The following USP34 variants were observed in gnomAD, a reference collection of about 807,000 sequenced individuals.
USP34 encodes the protein ubiquitin carboxyl-terminal hydrolase 34.
A neutral mutation model predicts 460.3 loss-of-function variants in USP34; 70 were observed. The observed-to-expected ratio is 0.15, with a 90% CI of 0.13 to 0.19. The LOEUF (loss-of-function observed/expected upper bound fraction) is 0.19. USP34 is among the 10% of genes least tolerant of loss of function. The probability of loss-of-function intolerance (pLI) is 1.00; values close to 1 mark genes in which losing one functional copy is unlikely to be tolerated. For missense variants in USP34, 3,985 were observed against 4,236.2 expected, an observed-to-expected ratio of 0.94 and a Z score of 1.65; for synonymous variants, 1,647 against 1,405.3, an observed-to-expected ratio of 1.17 and a Z score of -3.85.
intron 22 of USP34, 64 bp from the exon 23 acceptor site, chr2:61,317,831 T>C (rs1690796957): frequency 8.0e-7 from 1 of 1,252,432 alleles, no homozygotes; most frequent in East Asian, 2.4e-5. Flanking sequence ...TTTTATTAAA[T>C]TTAAATAAAC....
intron 43 of USP34, among the ~76,000 whole-genome samples, chr2:61,263,218 T>A (rs1688948015): frequency 6.8e-6 from 1 of 146,984 alleles, no homozygotes; most frequent in Admixed American, 6.9e-5. Flanking sequence ...CTCGCTCTTG[T>A]CCCCAAAGTT....
intron 33 of USP34, among the ~76,000 whole-genome samples, chr2:61,289,857 T>C (rs1689797725): frequency 6.6e-6 from 1 of 152,150 alleles, no homozygotes; most frequent in African/African-American, 2.4e-5. Context: ...GAAAAGTCTT[T>C]GTGACCTTGG....
At chr2:61,267,837 C>T (rs1055025372) in intron 41 of USP34, among the ~76,000 whole-genome samples, 1 of 152,100 alleles carries the variant, frequency 6.6e-6, no homozygotes, top group African/African-American at 2.4e-5. Context: ...AGGATGGTCT[C>T]GATCTCCCGA....
intron 58 of USP34, among the ~76,000 whole-genome samples, chr2:61,232,242 G>A (rs547854605): frequency 1.3e-5 from 2 of 152,156 alleles, no homozygotes; most frequent in African/African-American, 4.8e-5. Flanking sequence ...TCCAGGAAAT[G>A]TGCATAATTT....
rs989070036 is a variant in USP34, at chr2:61,248,742, G to A, written c.6222-59C>T. On this transcript the variant is annotated intron_variant, in intron 48 of 79. Coordinates refer to ENST00000398571, the MANE Select transcript of USP34 (RefSeq NM_014709.4). ...TTTTTACAAATACTTCAGTTGGTTT[G>A]ATTTCTGTTATGCTATATCCATTTC... 17 of 1,452,356 alleles carry A rather than the reference G, an allele frequency of 1.2e-5. No individual in the cohort carries two copies. In the Middle Eastern group the frequency reaches 7.7e-4, roughly 66 times the overall value. The allele number at this position is 1,452,356 out of a possible 1,614,324, so 90.0% of individuals were successfully genotyped here.
chr2:61,357,891 T>C (rs1396955730), intron 10 of USP34, among the ~76,000 whole-genome samples: 4 of 151,994 alleles, frequency 2.6e-5, no homozygotes, highest in Non-Finnish European at 5.9e-5. Context: ...ATTCTCTCTT[T>C]ACAAAACAGT....
chr2:61,226,605 T>C (rs901768616), intron 62 of USP34, among the ~76,000 whole-genome samples: 1 of 152,244 alleles, frequency 6.6e-6, no homozygotes, highest in Non-Finnish European at 1.5e-5. Context: ...TTTTCAGCTA[T>C]ATTCTTTTGA....
At chr2:61,194,309 C>A in intron 75 of USP34, 1 of 985,278 alleles carries the variant, frequency 1.0e-6, no homozygotes, top group Non-Finnish European at 1.2e-6. Context: ...ATACCCACCA[C>A]GGTATCACCA....
intron 3 of USP34, among the ~76,000 whole-genome samples, chr2:61,401,445 C>T (rs1693715586): frequency 6.6e-6 from 1 of 151,470 alleles, no homozygotes; most frequent in Non-Finnish European, 1.5e-5. Context: ...GCTATGTTGC[C>T]CAGCCTAGAC....
chr2:61,319,060 T>C, intron 22 of USP34, 113 bp downstream of exon 22: 1 of 1,043,250 alleles, frequency 9.6e-7, no homozygotes. Flanking sequence ...ATTCATTACA[T>C]TTGGCTACTT....
At chr2:61,198,860 C>T (rs904222192) in intron 75 of USP34, among the ~76,000 whole-genome samples, 3 of 152,166 alleles carry the variant, frequency 2.0e-5, no homozygotes, top group Non-Finnish European at 4.4e-5. Flanking sequence ...CAGGGTGACA[C>T]TCTGTCTCAA....
intron 10 of USP34, among the ~76,000 whole-genome samples, chr2:61,357,919 G>T (rs2103804527): frequency 6.6e-6 from 1 of 152,196 alleles, no homozygotes; most frequent in South Asian, 2.1e-4. Flanking sequence ...GGCCGGGCGT[G>T]GTGGCTCACG....
intron 2 of USP34, among the ~76,000 whole-genome samples, chr2:61,418,863 G>A (rs1295157640): frequency 6.6e-6 from 1 of 152,160 alleles, no homozygotes; most frequent in Non-Finnish European, 1.5e-5. Flanking sequence ...CATACTTACT[G>A]ACAGGTGAAC....
rs1048727563 is a variant in USP34 at position 61,266,732 on chromosome 2, T to C, written c.5434-565A>G. Reference sequence around the variant, plus strand: ...ACATCCCAAATAGTACTATGGTACATTGGTCTGCAGTATAAAACCTCCTGG... The same window carrying C: ...ACATCCCAAATAGTACTATGGTACACTGGTCTGCAGTATAAAACCTCCTGG... On this transcript the variant is annotated intron_variant, in intron 41 of 79. Transcript: ENST00000398571. Among the ~76,000 whole-genome samples the C allele has an allele frequency of 4.6e-5, 7 of 152,248 alleles. No individual in the cohort carries two copies. In the East Asian group the frequency reaches 7.7e-4, roughly 17 times the overall value.
intron 29 of USP34, among the ~76,000 whole-genome samples, chr2:61,297,743 ATCTT>A (rs1235124018): frequency 6.6e-6 from 1 of 152,114 alleles, no homozygotes; most frequent in Non-Finnish European, 1.5e-5. Context: ...TGGCAAGAAA[ATCTT>A]TATTTTTTTT....
At chr2:61,302,071 A>G (rs115410575) in intron 27 of USP34, among the ~76,000 whole-genome samples, 167 of 152,358 alleles carry the variant, frequency 1.1e-3, no homozygotes, top group African/African-American at 3.9e-3. Flanking sequence ...TCACACATGC[A>G]TGCCAGGCAC....
intron 41 of USP34, chr2:61,277,712 C>T (rs945297463): frequency 3.3e-5 from 5 of 153,140 alleles, no homozygotes; most frequent in African/African-American, 1.2e-4. Context: ...TATCCACATA[C>T]AATGTGATAC....
Position 61,350,369 on chromosome 2 carries a change from C to A in USP34, c.1398G>T (p.Met466Ile), listed in dbSNP as rs753411952. The A allele has an allele frequency of 3.1e-6, 5 of 1,612,866 alleles. No individual in the cohort carries two copies. Among genetic ancestry groups the A allele is most frequent in the Non-Finnish European group, 4.2e-6 (5 of 1,179,608 alleles). ...HTEQTLYLAS[M>I]LIKALWNNAL... The stretch of plus-strand genomic sequence containing the variant: ...CGTTATTCCACAGTGCTTTAATTAA[C>A]ATGGATGCCAAGTACAGTGTCTAAA... The change falls in exon 12 of 80, where the codon ATG (methionine) becomes ATT (isoleucine). Residue 466 changes from methionine to isoleucine, a missense_variant. Around this residue, in one of 14 missense-constraint regions of USP34, gnomAD observed 716 missense variants for 626.2 expected, o/e 1.14. Coordinates refer to ENST00000398571, the MANE Select transcript of USP34 (RefSeq NM_014709.4).
chr2:61,214,093 C>T lies in USP34; in HGVS notation c.8649G>A (p.Lys2883=). 2 of 1,614,156 alleles carry T rather than the reference C, an allele frequency of 1.2e-6. No individual in the cohort carries two copies. The highest frequency in any genetic ancestry group is 1.7e-6 in the Non-Finnish European group (2 of 1,180,030). The change falls in exon 68 of 80, where the codon AAG becomes AAA. Residue 2883 remains lysine, a synonymous_variant. Transcript: ENST00000398571. The part of the protein sequence containing the change: ...ASHQNIQWAF[K]NLTPHASQYP... ...ATTGGCTGGCATGTGGTGTAAGATT[C>T]TTAAAGGCCCACTGGATGTTCTGGT...
Sources: allele counts gnomAD v4.1 joint callset (sites outside exome capture counted in the v4.1 genomes callset), GRCh38; gene constraint gnomAD v4.1.1; regional missense constraint gnomAD v4.1.1; transcripts MANE v1.5; gene names NCBI Gene and HGNC (gene_info 2026-07-23, HGNC 2026-07-21).